The following ASXL3 variants were observed in gnomAD, a reference collection of about 807,000 sequenced individuals.
ASXL3 encodes putative Polycomb group protein ASXL3.
ASXL3 carries 34 observed loss-of-function variants against 170.6 expected under a neutral mutation model. The ratio of observed to expected loss-of-function variants is 0.20; its 90% CI spans 0.15 to 0.27. The LOEUF (loss-of-function observed/expected upper bound fraction) is 0.27, where lower values mean the gene tolerates loss of function less well. Ranked by LOEUF, ASXL3 falls within the 10% of genes least tolerant of loss-of-function variation. The pLI, the probability that ASXL3 is intolerant of heterozygous loss-of-function variation, is 1.00. For missense variants in ASXL3, 2,592 were observed against 2,695.3 expected (o/e 0.96, Z 0.85); for synonymous variants, 1,002 against 989.1 (o/e 1.01, Z -0.24).
At chr18:33,607,522 G>T (rs2065268098) in intron 1 of ASXL3, 72 bp from the exon 2 acceptor site, 1 of 1,211,116 alleles carries the variant, frequency 8.3e-7, no homozygotes, top group African/African-American at 1.5e-5. Context: ...AGCAGAGAAT[G>T]CATGATTCAC....
chr18:33,612,639 T>C (rs1193647296), intron 2 of ASXL3, among the ~76,000 whole-genome samples: 1 of 152,104 alleles, frequency 6.6e-6, no homozygotes, highest in African/African-American at 2.4e-5. Flanking sequence ...GTTTATTAAA[T>C]ATGTTGCATT....
intron 1 of ASXL3, among the ~76,000 whole-genome samples, chr18:33,602,906 A>G (rs1340868933): frequency 6.6e-6 from 1 of 151,210 alleles, no homozygotes; most frequent in African/African-American, 2.4e-5. Context: ...TATTGTTGTT[A>G]TAACCCCAAA....
In ASXL3 at chr18:33,738,823, A is replaced by G. The variant is rs1336468727; in HGVS notation, c.1419A>G (p.Ile473Met). The G allele has an allele frequency of 6.2e-7, 1 of 1,613,644 alleles. No homozygotes were observed. The highest frequency in any genetic ancestry group is 2.2e-5 in the East Asian group (1 of 44,882). Residue 473 changes from isoleucine (I) to methionine (M), a missense_variant, in exon 11 of 12, where the codon ATA (isoleucine) becomes ATG (methionine). By Grantham distance (10) the Ile-to-Met change is conservative. Around this residue, in one of 4 missense-constraint regions of ASXL3, gnomAD observed 2,246 missense variants for 2,219.6 expected, o/e 1.01. Coordinates refer to ENST00000269197, the MANE Select transcript of ASXL3 (RefSeq NM_030632.3). The part of the protein sequence containing the change: ...CECQDENHKT[I>M]PEFSEEAESL... ...GCCAGGATGAAAATCATAAGACAAT[A>G]CCTGAATTTTCTGAGGAGGCTGAAA...
Position 33,683,469 on chromosome 18 carries a change from C to T in ASXL3, c.780C>T (p.Asn260=). 6.2e-7 allele frequency: 1 copy of T among 1,613,614 alleles called. No individual in the cohort carries two copies. The highest frequency in any genetic ancestry group is 8.5e-7 in the Non-Finnish European group (1 of 1,179,694). Residue 260 remains asparagine (N), a synonymous_variant, in exon 8 of 12, where the codon AAC becomes AAT. Transcript: ENST00000269197. The part of the protein sequence containing the change: ...DIETPGSILV[N]TNLRALINKH... ...AAACCCCAGGATCTATTCTTGTCAA[C>T]ACTAACTTGAGGGCATTAATAAATA... is the stretch of plus-strand genomic sequence containing the variant.
chr18:33,657,747 G>A (rs1392169815), intron 4 of ASXL3, among the ~76,000 whole-genome samples: 2 of 152,088 alleles, frequency 1.3e-5, no homozygotes, highest in Non-Finnish European at 2.9e-5. Flanking sequence ...TTGAGGGAGG[G>A]TTTGGGGAGT....
intron 10 of ASXL3, among the ~76,000 whole-genome samples, chr18:33,734,889 A>C (rs1568356701): frequency 6.6e-6 from 1 of 152,020 alleles, no homozygotes; most frequent in African/African-American, 2.4e-5. Flanking sequence ...TTCCTCTTCA[A>C]ATGTCATCTG....
At chr18:33,596,927 C>A (rs2065132600) in intron 1 of ASXL3, among the ~76,000 whole-genome samples, 1 of 152,042 alleles carries the variant, frequency 6.6e-6, no homozygotes, top group Admixed American at 6.6e-5. Flanking sequence ...AAGATCCTTC[C>A]ACCTTAGCCT....
chr18:33,659,353 A>G (rs1049421748), intron 4 of ASXL3, among the ~76,000 whole-genome samples: 8 of 152,124 alleles, frequency 5.3e-5, no homozygotes, highest in African/African-American at 1.9e-4. Flanking sequence ...CTTAATATCT[A>G]TGGACTGCAT....
At chr18:33,736,943 A>G (rs2067558795) in intron 10 of ASXL3, among the ~76,000 whole-genome samples, 1 of 152,204 alleles carries the variant, frequency 6.6e-6, no homozygotes, top group Non-Finnish European at 1.5e-5. Context: ...TTAACCAACT[A>G]GCAGAAATTT....
At chr18:33,713,529 A>C (rs747371457) in intron 8 of ASXL3, among the ~76,000 whole-genome samples, 41 of 151,940 alleles carry the variant, frequency 2.7e-4, no homozygotes, top group Non-Finnish European at 5.7e-4. Flanking sequence ...TGTTGGGATT[A>C]CAGGCGTGAG....
rs147292206 is a variant in ASXL3, at chr18:33,710,607, G to A, written c.880-21361G>A. ...TATTAAAGACATATTGTCTTTCTAGGCACTCTTAAATAGGATCAATTCCAA... is the reference window on the plus strand; with the variant it reads ...TATTAAAGACATATTGTCTTTCTAGACACTCTTAAATAGGATCAATTCCAA... On this transcript the variant is annotated intron_variant, in intron 8 of 11. Transcript: ENST00000269197. Among the ~76,000 whole-genome samples the A allele has an allele frequency of 4.0e-3, 615 of 152,084 alleles. 3 individuals carry two copies. The highest frequency in any genetic ancestry group is 0.024 in the Middle Eastern group (7 of 294).
At chr18:33,625,868 G>A (rs1293215542) in intron 2 of ASXL3, 2 of 151,928 alleles carry the variant, frequency 1.3e-5, no homozygotes, top group Non-Finnish European at 2.9e-5. Flanking sequence ...TATATGATGA[G>A]CATTTTTATA....
At chr18:33,632,557 A>G (rs1481582604) in intron 2 of ASXL3, among the ~76,000 whole-genome samples, 1 of 152,132 alleles carries the variant, frequency 6.6e-6, no homozygotes, top group Non-Finnish European at 1.5e-5. Context: ...TTATACCACC[A>G]TTCTTCTCTA....
chr18:33,674,411 T>C (rs1414279755), intron 7 of ASXL3, among the ~76,000 whole-genome samples: 1 of 152,166 alleles, frequency 6.6e-6, no homozygotes, highest in Non-Finnish European at 1.5e-5. Context: ...GAAGTACAAT[T>C]CTGTCAAAAA....
intron 4 of ASXL3, among the ~76,000 whole-genome samples, chr18:33,649,896 A>G (rs1052369487): frequency 6.6e-6 from 1 of 152,030 alleles, no homozygotes; most frequent in Admixed American, 6.6e-5. Flanking sequence ...TTCAGAGCTG[A>G]TAAGAAAGAA....
chr18:33,720,473 C>G (rs2067240552), intron 8 of ASXL3, among the ~76,000 whole-genome samples: 1 of 151,930 alleles, frequency 6.6e-6, no homozygotes, highest in Non-Finnish European at 1.5e-5. Flanking sequence ...GAAGTTTTTT[C>G]CCCCCTTCCC....
In ASXL3 at chr18:33,743,701, A is replaced by G; in HGVS notation, c.3853A>G (p.Ile1285Val). The change falls in exon 12 of 12, where the codon ATC becomes GTC. Residue 1285 changes from isoleucine to valine, a missense_variant. Transcript: ENST00000269197. ...SACNISMLKT[I>V]QGTDTPCIAI... ...TTGTAATATAAGCATGTTAAAAACC[A>G]TCCAGGGAACTGACACTCCATGCAT... is the stretch of plus-strand genomic sequence containing the variant. 2 of 1,613,912 alleles carry G rather than the reference A, an allele frequency of 1.2e-6. No individual in the cohort carries two copies. Among genetic ancestry groups the G allele is most frequent in the Non-Finnish European group, 1.7e-6 (2 of 1,179,900 alleles).
chr18:33,689,097 G>A lies in ASXL3; in HGVS notation c.879+5529G>A, dbSNP rs1003585752. 5.3e-5 allele frequency among the ~76,000 whole-genome samples: 8 copies of A among 152,032 alleles called. 1 individual carries two copies. Among genetic ancestry groups the A allele is most frequent in the Middle Eastern group, 3.4e-3 (1 of 294 alleles). ...CAACATCCGCCTCCCGGGTTCAAGC[G>A]ATTCTCCTGCCTCAGCCTCCCGAGT... On this transcript the variant is annotated intron_variant, in intron 8 of 11. Transcript: ENST00000269197.
intron 8 of ASXL3, among the ~76,000 whole-genome samples, chr18:33,696,208 C>A (rs997377327): frequency 6.6e-5 from 10 of 151,610 alleles, no homozygotes; most frequent in South Asian, 2.1e-4. Context: ...AGTTATTATA[C>A]CCTATTAAAA....
Sources: gnomAD v4.1 joint callset for allele counts (sites outside exome capture counted in the v4.1 genomes callset) on GRCh38, gnomAD v4.1.1 for gene constraint, gnomAD v4.1.1 regional missense constraint, MANE v1.5 for transcripts, NCBI Gene and HGNC (gene_info 2026-07-23, HGNC 2026-07-21) for gene names.